The following NXPE2 variants were observed in gnomAD, a reference collection of about 807,000 sequenced individuals.
The protein encoded by NXPE2 is NXPE family member 2.
A neutral mutation model predicts 34.4 loss-of-function variants in NXPE2; 34 were observed. The ratio of observed to expected loss-of-function variants is 0.99; its 90% CI spans 0.75 to 1.31. The LOEUF is 1.31. Ranked by LOEUF, NXPE2 falls within the 40% of genes most tolerant of loss-of-function variation. The pLI is 0.00. For synonymous variants in NXPE2, 235 were observed against 231.3 expected (o/e 1.02, Z -0.15); for missense variants, 649 against 672.5 (o/e 0.97, Z 0.39).
At chr11:114,682,283 G>A (rs1003724906) in intron 2 of NXPE2, among the ~76,000 whole-genome samples, 24 of 152,206 alleles carry the variant, frequency 1.6e-4, no homozygotes, top group Middle Eastern at 3.4e-3. Flanking sequence ...TGCTGGTCTC[G>A]CATCAGTGTG....
At chr11:114,746,722 G>A in the NXPE2 span, among the ~76,000 whole-genome samples, 2 of 151,944 alleles carry the variant, frequency 1.3e-5, no homozygotes, top group South Asian at 2.1e-4. Flanking sequence ...TTCCTGGCCC[G>A]CGCCTGTAGT....
the NXPE2 span, among the ~76,000 whole-genome samples, chr11:114,637,941 C>T: frequency 3.3e-5 from 5 of 151,938 alleles, no homozygotes; most frequent in South Asian, 1.0e-3. Flanking sequence ...AATTATGTGT[C>T]TTGGAGTTGC....
the NXPE2 span, among the ~76,000 whole-genome samples, chr11:114,498,602 T>G: frequency 6.6e-6 from 1 of 152,128 alleles, no homozygotes; most frequent in East Asian, 1.9e-4. Flanking sequence ...ACCATAATAT[T>G]GGCTATCAAT....
At chr11:114,530,148 C>T in the NXPE2 span, 2 of 1,563,886 alleles carry the variant, frequency 1.3e-6, no homozygotes, top group South Asian at 2.5e-5. Context: ...GGGGACACTT[C>T]TCAGTATACA....
At chr11:114,574,418 T>G in the NXPE2 span, among the ~76,000 whole-genome samples, 1 of 152,016 alleles carries the variant, frequency 6.6e-6, no homozygotes, top group African/African-American at 2.4e-5. Flanking sequence ...AACAAAAAGC[T>G]GGTTCTTTGA....
chr11:114,635,926 C>A, the NXPE2 span, among the ~76,000 whole-genome samples: 1 of 151,974 alleles, frequency 6.6e-6, no homozygotes, highest in South Asian at 2.1e-4. Context: ...CTAAAATTCT[C>A]TTTTTTGGTG....
At chr11:114,641,291 A>G in the NXPE2 span, among the ~76,000 whole-genome samples, 1 of 152,018 alleles carries the variant, frequency 6.6e-6, no homozygotes, top group Non-Finnish European at 1.5e-5. Context: ...AAATTCCAGA[A>G]AGGTAGTGTA....
intron 2 of NXPE2, among the ~76,000 whole-genome samples, chr11:114,691,160 T>A (rs1951142182): frequency 1.3e-5 from 2 of 152,182 alleles, no homozygotes; most frequent in South Asian, 4.1e-4. Context: ...TTTTTTGTAT[T>A]GCCAGAGTTC....
chr11:114,808,101 A>C, the NXPE2 span, among the ~76,000 whole-genome samples: 2 of 152,332 alleles, frequency 1.3e-5, no homozygotes, highest in East Asian at 1.9e-4. Flanking sequence ...CTACTGGGTA[A>C]ATAATGAAAT....
At chr11:114,785,982 A>AAAG in the NXPE2 span, among the ~76,000 whole-genome samples, 1 of 152,206 alleles carries the variant, frequency 6.6e-6, no homozygotes, top group Admixed American at 6.5e-5. Context: ...AGTGTAAAAA[A>AAAG]AAGAAGACAC....
At chr11:114,806,173 T>C in the NXPE2 span, among the ~76,000 whole-genome samples, 4 of 152,150 alleles carry the variant, frequency 2.6e-5, no homozygotes, top group South Asian at 8.3e-4. Context: ...AGAAAGGACG[T>C]CCACACCCAA....
At chr11:114,522,839 C>T in the NXPE2 span, 1 of 1,465,746 alleles carries the variant, frequency 6.8e-7, no homozygotes. Flanking sequence ...TACTTTAAAA[C>T]CAGCCTGAAT....
chr11:114,748,307 A>G, the NXPE2 span, among the ~76,000 whole-genome samples: 7 of 152,308 alleles, frequency 4.6e-5, no homozygotes, highest in South Asian at 1.2e-3. Context: ...GTTCCTACTA[A>G]TAAGGACTTT....
At chr11:114,513,138 C>T in the NXPE2 span, 1 of 552,736 alleles carries the variant, frequency 1.8e-6, no homozygotes, top group South Asian at 1.4e-5. Flanking sequence ...GACATCCTGG[C>T]CCTCAGGAAA....
At chr11:114,607,737 G>A in the NXPE2 span, among the ~76,000 whole-genome samples, 5 of 151,978 alleles carry the variant, frequency 3.3e-5, no homozygotes, top group African/African-American at 1.2e-4. Context: ...GGTAACCACA[G>A]TTGCCCGGTG....
At chr11:114,718,289 C>T in the NXPE2 span, among the ~76,000 whole-genome samples, 1 of 152,140 alleles carries the variant, frequency 6.6e-6, no homozygotes, top group South Asian at 2.1e-4. Context: ...GCAATTATCT[C>T]ATAGAGTGGA....
chr11:114,480,307 G>A, the NXPE2 span, among the ~76,000 whole-genome samples: 1 of 152,182 alleles, frequency 6.6e-6, no homozygotes, highest in Non-Finnish European at 1.5e-5. Context: ...GAAGATGGAA[G>A]GAAAACTATA....
chr11:114,724,572 C>A, the NXPE2 span, among the ~76,000 whole-genome samples: 103 of 152,212 alleles, frequency 6.8e-4, no homozygotes, highest in Non-Finnish European at 1.2e-3. Context: ...ACTGGCTATG[C>A]TAAGTGAAGA....
chr11:114,549,879 A>G, the NXPE2 span, among the ~76,000 whole-genome samples: 1 of 152,086 alleles, frequency 6.6e-6, no homozygotes, highest in Admixed American at 6.5e-5. Flanking sequence ...ATTTAGTAAA[A>G]TAGTAGGAAA....
Sources: allele counts gnomAD v4.1 joint callset (sites outside exome capture counted in the v4.1 genomes callset), GRCh38; gene constraint gnomAD v4.1.1; transcripts MANE v1.5; gene names NCBI Gene and HGNC (gene_info 2026-07-23, HGNC 2026-07-21).